Variants in EP300 observed in about 807,000 individuals in gnomAD.
EP300 encodes histone acetyltransferase p300.
EP300 carries 31 observed loss-of-function variants against 264.0 expected under a neutral mutation model. The observed-to-expected ratio is 0.12, with a 90% CI of 0.09 to 0.16. The LOEUF (loss-of-function observed/expected upper bound fraction) is 0.16, where lower values mean the gene tolerates loss of function less well. Ranked by LOEUF, EP300 falls within the 10% of genes least tolerant of loss-of-function variation. The pLI is 1.00. For synonymous variants in EP300, 1,340 were observed against 1,045.4 expected (o/e 1.28, Z -5.44); for missense variants, 2,766 against 3,052.9 (o/e 0.91, Z 2.21).
chr22:41,176,891 C>G lies in EP300; in HGVS notation c.5180C>G (p.Pro1727Arg). 1 of 1,614,152 alleles carries G rather than the reference C, an allele frequency of 6.2e-7. No individual in the cohort carries two copies. The highest frequency in any genetic ancestry group is 8.5e-7 in the Non-Finnish European group (1 of 1,179,998). The change falls in exon 31 of 31, where the codon CCA becomes CGA. Residue 1727 changes from proline (P) to arginine (R), a missense_variant. Physicochemically the swap from Pro to Arg is moderately radical, Grantham distance 103. Transcript: ENST00000263253. ...CAGCAGGCTGCAGCCACCCAGAGCC[C>G]AGGCGATTCTCGCCGCCTGAGTATC... ...NNQQAAATQS[P>R]GDSRRLSIQR...
intron 28 of EP300, among the ~76,000 whole-genome samples, 166 bp downstream of exon 28, chr22:41,172,829 G>A (rs2059178517): frequency 6.6e-6 from 1 of 152,108 alleles, no homozygotes; most frequent in African/African-American, 2.4e-5. Context: ...CTGTTTCAGT[G>A]GTATTAAACT....
intron 29 of EP300, chr22:41,176,044 GC>G: frequency 1.6e-6 from 1 of 615,002 alleles, no homozygotes; most frequent in Non-Finnish European, 2.8e-6. Flanking sequence ...ACATGGCGAA[GC>G]CTCGTCTCTA....
intron 22 of EP300, among the ~76,000 whole-genome samples, chr22:41,165,974 A>C (rs1255011152): frequency 6.6e-6 from 1 of 151,828 alleles, no homozygotes; most frequent in Non-Finnish European, 1.5e-5. Context: ...TACTAGAGAC[A>C]GGGTTTCATT....
At position 41,129,884 on chromosome 22, in the gene EP300, C is replaced by T. The variant is rs1253935403; in HGVS notation, c.1169-6C>T. 1.2e-6 allele frequency: 2 copies of T among 1,610,038 alleles called. No homozygotes were observed. The highest frequency in any genetic ancestry group is 1.7e-5 in the Admixed American group (1 of 59,998). The stretch of plus-strand genomic sequence containing the variant: ...CTCTTGAAAAAATATGTTTTCTTCT[C>T]TTTAGTGGCACACTGTGCATCTTCT... On this transcript the variant is annotated splice_polypyrimidine_tract_variant and splice_region_variant and intron_variant, in intron 4 of 30. Coordinates refer to ENST00000263253, the MANE Select transcript of EP300 (RefSeq NM_001429.4).
intron 19 of EP300, 67 bp from the exon 20 acceptor site, chr22:41,160,575 G>C (rs956561654): frequency 6.6e-7 from 1 of 1,525,850 alleles, no homozygotes; most frequent in Admixed American, 1.7e-5. Flanking sequence ...TGGTGGCTTC[G>C]TTGCTTGGCT....
intron 8 of EP300, among the ~76,000 whole-genome samples, chr22:41,138,857 G>A (rs1426573282): frequency 1.3e-5 from 2 of 152,004 alleles, no homozygotes; most frequent in African/African-American, 4.8e-5. Context: ...TTTATGTTAT[G>A]TCAAACTACC....
intron 1 of EP300, among the ~76,000 whole-genome samples, chr22:41,100,085 C>T (rs960184196): frequency 5.9e-5 from 9 of 152,066 alleles, no homozygotes; most frequent in African/African-American, 2.2e-4. Flanking sequence ...TTTAAAAAGT[C>T]AGCAAGGCAT....
chr22:41,094,540 A>G lies in EP300; in HGVS notation c.94+1442A>G, dbSNP rs764653936. ...ATGAACTTTGATCTGTACCTATTCT[A>G]TGAAGGTACTGTAGTCTCCAGGGAT... On this transcript the variant is annotated intron_variant, in intron 1 of 30. Transcript: ENST00000263253. Among the ~76,000 whole-genome samples the G allele has an allele frequency of 2.0e-5, 3 of 152,196 alleles. No individual in the cohort carries two copies. In the South Asian group the frequency reaches 6.2e-4, roughly 31 times the overall value.
chr22:41,174,500 C>A (rs1325471566), intron 29 of EP300: 1 of 152,154 alleles, frequency 6.6e-6, no homozygotes, highest in Non-Finnish European at 1.5e-5. Context: ...TTACAACCCC[C>A]TTCTCAAAAC....
At chr22:41,168,350 GT>G in intron 23 of EP300, 98 bp from the exon 24 acceptor site, 2 of 1,424,278 alleles carry the variant, frequency 1.4e-6, no homozygotes, top group Non-Finnish European at 2.0e-6. Flanking sequence ...AAGTTATCCT[GT>G]TTGTATTGAA....
At chr22:41,169,155 G>A (rs1018901006) in intron 25 of EP300, 7 of 556,892 alleles carry the variant, frequency 1.3e-5, no homozygotes, top group South Asian at 1.2e-4. Flanking sequence ...GCTTAAATCT[G>A]GATTAAGTAG....
chr22:41,128,589 A>T (rs2058896978), intron 4 of EP300, among the ~76,000 whole-genome samples: 1 of 151,260 alleles, frequency 6.6e-6, no homozygotes, highest in Non-Finnish European at 1.5e-5. Context: ...CTCACTGCAA[A>T]CTCCACCTTC....
At position 41,137,799 on chromosome 22, in the gene EP300, G is replaced by C; in HGVS notation, c.1760+9G>C. The C allele has an allele frequency of 1.2e-6, 2 of 1,614,176 alleles. No homozygotes were observed. Among genetic ancestry groups the C allele is most frequent in the Non-Finnish European group, 1.7e-6 (2 of 1,180,010 alleles). ...CATCTTGTTCACAAACTGTAAGTAAGATTGTGGACACGTCTCATTCGTAAA... is the reference window on the plus strand; with the variant it reads ...CATCTTGTTCACAAACTGTAAGTAACATTGTGGACACGTCTCATTCGTAAA... On this transcript the variant is annotated intron_variant, in intron 8 of 30. Coordinates refer to ENST00000263253, the MANE Select transcript of EP300 (RefSeq NM_001429.4).
At chr22:41,133,002 A>G (rs936208757) in intron 6 of EP300, among the ~76,000 whole-genome samples, 13 of 152,112 alleles carry the variant, frequency 8.5e-5, no homozygotes, top group Admixed American at 2.0e-4. Flanking sequence ...TATCTAAGCT[A>G]TTTTGTTTGA....
intron 14 of EP300, among the ~76,000 whole-genome samples, chr22:41,151,392 C>T (rs968101740): frequency 9.9e-5 from 15 of 152,150 alleles, no homozygotes; most frequent in African/African-American, 3.1e-4. Flanking sequence ...TAGAATCTAG[C>T]GATTCAAAAC....
At chr22:41,151,790 ACT>A (rs763140003) in intron 14 of EP300, 41 bp from the exon 15 acceptor site, 11 of 1,594,028 alleles carry the variant, frequency 6.9e-6, no homozygotes, top group Non-Finnish European at 9.5e-6. Flanking sequence ...TCGTTGGCAG[ACT>A]CTGCGTGTGT....
rs1021520881 is a variant in EP300 at position 41,176,324 on chromosome 22, C to G, written c.4857C>G (p.Ile1619Met). 5.0e-6 allele frequency: 8 copies of G among 1,614,232 alleles called. No homozygotes were observed. Among genetic ancestry groups the G allele is most frequent in the Non-Finnish European group, 5.9e-6 (7 of 1,180,044 alleles). Reference protein sequence around the residue: ...LPPIVDPDPLIPCDLMDGRDA... With the variant: ...LPPIVDPDPLMPCDLMDGRDA... Reference sequence around the variant, plus strand: ...CCATTGTTGATCCTGATCCTCTCATCCCCTGCGATCTGATGGATGGTCGGG... The same window carrying G: ...CCATTGTTGATCCTGATCCTCTCATGCCCTGCGATCTGATGGATGGTCGGG... Residue 1619 changes from isoleucine (I) to methionine (M), a missense_variant, in exon 30 of 31, where the codon ATC (isoleucine) becomes ATG (methionine). Ile to Met is a conservative substitution (Grantham distance 10, BLOSUM62 1). Coordinates refer to ENST00000263253, the MANE Select transcript of EP300 (RefSeq NM_001429.4).
chr22:41,109,672 T>C (rs1471518707), intron 1 of EP300, among the ~76,000 whole-genome samples: 1 of 152,142 alleles, frequency 6.6e-6, no homozygotes, highest in East Asian at 1.9e-4. Flanking sequence ...AGTAGGCACT[T>C]TGCTGTTATG....
At chr22:41,121,234 C>T (rs1017501047) in intron 2 of EP300, among the ~76,000 whole-genome samples, 1 of 152,082 alleles carries the variant, frequency 6.6e-6, no homozygotes, top group African/African-American at 2.4e-5. Flanking sequence ...TGTGTGGCTT[C>T]CTCACCCTCT....
Sources: allele counts gnomAD v4.1 joint callset (sites outside exome capture counted in the v4.1 genomes callset), GRCh38; gene constraint gnomAD v4.1.1; transcripts MANE v1.5; gene names NCBI Gene and HGNC (gene_info 2026-07-23, HGNC 2026-07-21).